Variants in COL1A2 observed in about 807,000 individuals in gnomAD.
COL1A2 encodes collagen type I alpha 2 chain, also known as collagen alpha-2(I) chain.
COL1A2 carries 49 observed loss-of-function variants against 174.3 expected under a neutral mutation model. That is an observed-to-expected ratio of 0.28 (90% CI 0.22 to 0.36). The LOEUF (loss-of-function observed/expected upper bound fraction) is 0.36. Among genes scored for constraint, COL1A2 ranks in the 10% least tolerant of loss-of-function variants. The probability of loss-of-function intolerance (pLI) is 1.00; values close to 1 mark genes in which losing one functional copy is unlikely to be tolerated. For synonymous variants in COL1A2, 655 were observed against 606.6 expected (o/e 1.08, Z -1.17); for missense variants, 1,438 against 1,822.7 (o/e 0.79, Z 3.84).
chr7:94,408,684 G>A, intron 15 of COL1A2, 86 bp from the exon 16 acceptor site: 1 of 1,437,054 alleles, frequency 7.0e-7, no homozygotes, highest in Non-Finnish European at 9.8e-7. Flanking sequence ...TCATGCCACT[G>A]TAAGCAACTT....
At chr7:94,405,641 A>T in intron 10 of COL1A2, 32 bp from the exon 11 acceptor site, 1 of 1,570,240 alleles carries the variant, frequency 6.4e-7, no homozygotes, top group Non-Finnish European at 8.8e-7. Context: ...ATGGTAAAAC[A>T]TTATTCACCA....
intron 19 of COL1A2, 44 bp from the exon 20 acceptor site, chr7:94,410,198 A>G: frequency 1.2e-6 from 2 of 1,600,196 alleles, no homozygotes; most frequent in Middle Eastern, 2.0e-4. Context: ...AGAGAGTTTC[A>G]ACAAATGTTT....
At chr7:94,407,504 T>C (rs1280985355) in intron 12 of COL1A2, among the ~76,000 whole-genome samples, 1 of 152,188 alleles carries the variant, frequency 6.6e-6, no homozygotes, top group Non-Finnish European at 1.5e-5. Context: ...AAAGGATAAA[T>C]ATGGTTACAT....
At chr7:94,411,033 G>GTT (rs35587403) in intron 22 of COL1A2, 23 bp from the exon 23 acceptor site, 3,733 of 1,433,020 alleles carry the variant, frequency 2.6e-3, no homozygotes, top group South Asian at 7.9e-3. Flanking sequence ...TCCTCTATCT[G>GTT]TTTTTTTTTT....
intron 28 of COL1A2, 36 bp from the exon 29 acceptor site, chr7:94,414,186 C>T (rs763639855): frequency 3.7e-6 from 6 of 1,609,208 alleles, no homozygotes; most frequent in Non-Finnish European, 5.1e-6. Flanking sequence ...TGAACGTAGC[C>T]ATGGGATTGA....
intron 40 of COL1A2, 165 bp downstream of exon 40, chr7:94,423,283 C>A: frequency 1.3e-6 from 1 of 774,726 alleles, no homozygotes; most frequent in Non-Finnish European, 2.1e-6. Context: ...GGGGCTGTGG[C>A]TTCCAAGATG....
At chr7:94,411,444 A>C (rs1791922515) in intron 23 of COL1A2, among the ~76,000 whole-genome samples, 1 of 152,166 alleles carries the variant, frequency 6.6e-6, no homozygotes, top group Non-Finnish European at 1.5e-5. Context: ...TGAATCTTTT[A>C]TCTTAATTTG....
chr7:94,419,652 AG>A, intron 34 of COL1A2, 101 bp downstream of exon 34: 1 of 1,290,834 alleles, frequency 7.7e-7, no homozygotes, highest in East Asian at 2.3e-5. Flanking sequence ...CTTGGTATAA[AG>A]CCTACTTATT....
At chr7:94,404,510 G>T in intron 6 of COL1A2, 46 bp from the exon 7 acceptor site, 1 of 1,605,684 alleles carries the variant, frequency 6.2e-7, no homozygotes, top group South Asian at 1.1e-5. Flanking sequence ...CCAACACCAT[G>T]ACAACTTATC....
At chr7:94,406,082 A>G (rs558902758) in intron 11 of COL1A2, among the ~76,000 whole-genome samples, 168 bp from the exon 12 acceptor site, 1 of 152,342 alleles carries the variant, frequency 6.6e-6, no homozygotes, top group South Asian at 2.1e-4. Flanking sequence ...TAAGTGACCT[A>G]TCTAGGGCAA....
chr7:94,425,952 G>T (rs761910618), intron 44 of COL1A2, 46 bp from the exon 45 acceptor site: 2 of 1,608,256 alleles, frequency 1.2e-6, no homozygotes, highest in Non-Finnish European at 1.7e-6. Context: ...GTGGGGAGGG[G>T]TATCTTGGGC....
chr7:94,405,635 T>C (rs1416872364), intron 10 of COL1A2, 38 bp from the exon 11 acceptor site: 2 of 1,554,320 alleles, frequency 1.3e-6, no homozygotes, highest in Non-Finnish European at 1.8e-6. Context: ...TTATTTATGG[T>C]AAAACATTAT....
chr7:94,412,692 A>G lies in COL1A2; in HGVS notation c.1503+10A>G. On this transcript the variant is annotated intron_variant, in intron 25 of 51. Transcript: ENST00000297268. ...ACCCAAAGGCCCCACTGTAAGAATC[A>G]CCACAACTTTCTTACCCTCAGCACT... The G allele has an allele frequency of 6.2e-7, 1 of 1,610,962 alleles. No individual in the cohort carries two copies. Among genetic ancestry groups the G allele is most frequent in the Non-Finnish European group, 8.5e-7 (1 of 1,177,326 alleles).
chr7:94,404,685 T>A lies in COL1A2; in HGVS notation c.325-8T>A. On this transcript the variant is annotated splice_polypyrimidine_tract_variant and splice_region_variant and intron_variant, in intron 7 of 51. Transcript: ENST00000297268. ...GGCTTGGAGTATGACATTCTTTTTT[T>A]CTTTTAGGGCCCTCAAGGTTTCCAA... The A allele has an allele frequency of 6.2e-7, 1 of 1,614,212 alleles. No individual in the cohort carries two copies. Among genetic ancestry groups the A allele is most frequent in the Non-Finnish European group, 8.5e-7 (1 of 1,180,016 alleles).
In COL1A2 at chr7:94,430,279, T is replaced by G. The variant is rs923309099; in HGVS notation, c.3987T>G (p.Ile1329Met). 1 of 1,613,968 alleles carries G rather than the reference T, an allele frequency of 6.2e-7. No individual in the cohort carries two copies. The highest frequency in any genetic ancestry group is 8.5e-7 in the Non-Finnish European group (1 of 1,179,962). ...CAAATGAATGGGGAAAGACAATCAT[T>G]GAATACAAAACAAATAAGCCATCAC... The part of the protein sequence containing the change: ...KKTNEWGKTI[I>M]EYKTNKPSRL... Residue 1329 changes from isoleucine to methionine, a missense_variant, in exon 52 of 52, where the codon ATT becomes ATG. Ile to Met is a conservative substitution (Grantham distance 10, BLOSUM62 1). This residue lies in a region of COL1A2 where 290 missense variants were observed against 298.1 expected (regional missense o/e 0.97). Transcript: ENST00000297268.
At position 94,417,877 on chromosome 7, in the gene COL1A2, G is replaced by A. The variant is rs535708338; in HGVS notation, c.1971+46G>A. 1.7e-4 allele frequency: 254 copies of A among 1,483,728 alleles called. 6 individuals are homozygous for A. The South Asian group carries it at 2.8e-3, about 16-fold the overall frequency. 91.9% of individuals were successfully genotyped at this position (1,483,728 alleles called of 1,614,324 possible). On this transcript the variant is annotated intron_variant, in intron 32 of 51. Coordinates refer to ENST00000297268, the MANE Select transcript of COL1A2 (RefSeq NM_000089.4). ...CATATTGTTGATGAACTCTAGTAAAGAAGGCTGCACAAGGATGCCCAAGTT... is the reference window on the plus strand; with the variant it reads ...CATATTGTTGATGAACTCTAGTAAAAAAGGCTGCACAAGGATGCCCAAGTT...
chr7:94,420,960 T>A, intron 37 of COL1A2, 49 bp from the exon 38 acceptor site: 1 of 1,558,514 alleles, frequency 6.4e-7, no homozygotes, highest in Non-Finnish European at 8.9e-7. Context: ...AGAGTAGCAT[T>A]TACAAGGGTT....
intron 1 of COL1A2, 113 bp from the exon 2 acceptor site, chr7:94,397,635 T>C (rs1584311839): frequency 1.6e-6 from 1 of 619,666 alleles, no homozygotes; most frequent in Non-Finnish European, 2.9e-6. Context: ...TAATTGGTCC[T>C]TAATTAGGTA....
chr7:94,419,163 G>A (rs1202958517), intron 33 of COL1A2, among the ~76,000 whole-genome samples: 1 of 150,328 alleles, frequency 6.7e-6, no homozygotes, highest in African/African-American at 2.5e-5. Flanking sequence ...TCTTTCTTTT[G>A]AATCACGTAG....
Sources: gnomAD v4.1 joint callset for allele counts (sites outside exome capture counted in the v4.1 genomes callset) on GRCh38, gnomAD v4.1.1 for gene constraint, gnomAD v4.1.1 regional missense constraint, MANE v1.5 for transcripts, NCBI Gene and HGNC (gene_info 2026-07-23, HGNC 2026-07-21) for gene names.